SOX13: variants seen among roughly 807,000 people sequenced by gnomAD.
SOX13 encodes transcription factor SOX-13.
Under a neutral mutation model 71.8 loss-of-function variants are expected in SOX13, and 28 were observed. The ratio of observed to expected loss-of-function variants is 0.39; its 90% CI spans 0.29 to 0.53. The LOEUF is 0.53. Ranked by LOEUF, SOX13 falls within the 20% of genes least tolerant of loss-of-function variation. SOX13 has a pLI of 0.70. For synonymous variants in SOX13, 309 were observed against 317.8 expected (o/e 0.97, Z 0.29); for missense variants, 627 against 810.3 (o/e 0.77, Z 2.75).
In SOX13 at chr1:204,073,123, C is replaced by T. The variant is rs1417935588; in HGVS notation, c.-590C>T. The T allele has an allele frequency of 6.6e-6, 1 of 151,974 alleles. No individual in the cohort carries two copies. Among genetic ancestry groups the T allele is most frequent in the Non-Finnish European group, 1.5e-5 (1 of 68,052 alleles). The allele number at this position is 151,974 out of a possible 1,614,324, so 9.4% of individuals were successfully genotyped here. ...TCTCCTCTAGGCTGTCCAGTCGCCTCGCAGCAGCGAGCCGCGAGCGCCCTT... is the reference window on the plus strand; with the variant it reads ...TCTCCTCTAGGCTGTCCAGTCGCCTTGCAGCAGCGAGCCGCGAGCGCCCTT... On this transcript the variant is annotated 5_prime_UTR_variant, in exon 1 of 14. Coordinates refer to ENST00000367204, the MANE Select transcript of SOX13 (RefSeq NM_005686.3). This position sits in a 1 kb window ranked among gnomAD's most constrained non-coding sequence, Gnocchi z 6.8.
chr1:204,111,902 C>G (rs1379419795), intron 1 of SOX13, among the ~76,000 whole-genome samples: 1 of 152,074 alleles, frequency 6.6e-6, no homozygotes, highest in Non-Finnish European at 1.5e-5. Context: ...TACCTTATCT[C>G]CACTGTAAGA....
chr1:204,082,886 A>G (rs994644428), intron 1 of SOX13, among the ~76,000 whole-genome samples: 1 of 152,228 alleles, frequency 6.6e-6, no homozygotes, highest in East Asian at 1.9e-4. Context: ...AAATGGGTGT[A>G]CAAGTCTAGG....
intron 1 of SOX13, among the ~76,000 whole-genome samples, chr1:204,087,502 T>C (rs1189730558): frequency 6.6e-6 from 1 of 152,178 alleles, no homozygotes; most frequent in Admixed American, 6.5e-5. Flanking sequence ...CATCTCCCCT[T>C]TCTGTCTGTG....
At chr1:204,084,790 G>GGTT (rs2102225293) in intron 1 of SOX13, among the ~76,000 whole-genome samples, 1 of 29,380 alleles carries the variant, frequency 3.4e-5, no homozygotes, top group Admixed American at 4.5e-4. Flanking sequence ...TGCCTCTCAG[G>GGTT]GTTTGTTGTT....
intron 1 of SOX13, among the ~76,000 whole-genome samples, chr1:204,086,865 C>T (rs918476826): frequency 1.3e-5 from 2 of 151,818 alleles, no homozygotes; most frequent in South Asian, 4.2e-4. Flanking sequence ...GGCTCATGTC[C>T]GAAGCCTGTC....
At chr1:204,085,849 G>A (rs1216734469) in intron 1 of SOX13, among the ~76,000 whole-genome samples, 1 of 151,648 alleles carries the variant, frequency 6.6e-6, no homozygotes, top group Non-Finnish European at 1.5e-5. Context: ...GCGTGGTGCC[G>A]GGGGCCTGTA....
intron 1 of SOX13, among the ~76,000 whole-genome samples, chr1:204,110,272 C>T (rs954687694): frequency 1.3e-5 from 2 of 151,518 alleles, no homozygotes; most frequent in Non-Finnish European, 2.9e-5. Context: ...GGACTATAGG[C>T]GCATGCCACC....
intron 4 of SOX13, chr1:204,116,232 C>T (rs1166231870): frequency 3.5e-6 from 5 of 1,410,162 alleles, no homozygotes; most frequent in Non-Finnish European, 4.7e-6. Flanking sequence ...AGGCCTGGGG[C>T]TCTGGGGCTG....
chr1:204,084,177 G>A (rs1365608181), intron 1 of SOX13, among the ~76,000 whole-genome samples: 1 of 152,180 alleles, frequency 6.6e-6, no homozygotes, highest in Non-Finnish European at 1.5e-5. Context: ...GTGTGTGCAA[G>A]CACGGGGCAG....
chr1:204,123,922 C>A lies in SOX13; in HGVS notation c.1375+118C>A. 8.4e-7 allele frequency: 1 copy of A among 1,190,332 alleles called. No homozygotes were observed. The highest frequency in any genetic ancestry group is 1.5e-5 in the South Asian group (1 of 68,204). 73.7% of individuals were successfully genotyped at this position (1,190,332 alleles called of 1,614,324 possible). A position where few individuals can be genotyped will look rare whatever the true frequency, so the allele number is the denominator to read the frequency against. Reference sequence around the variant, plus strand: ...TGTGTTGGACTCCAGTGGAATCTGACGACAGGGGTGCAGGAGTTGCTGGGG... The same window carrying A: ...TGTGTTGGACTCCAGTGGAATCTGAAGACAGGGGTGCAGGAGTTGCTGGGG... On this transcript the variant is annotated intron_variant, in intron 12 of 13. Coordinates refer to ENST00000367204, the MANE Select transcript of SOX13 (RefSeq NM_005686.3). The surrounding 1 kb of genome is among the most constrained non-coding windows in gnomAD (Gnocchi z 5.0).
In SOX13 at chr1:204,116,559, C is replaced by G; in HGVS notation, c.471C>G (p.His157Gln). 1 of 1,614,028 alleles carries G rather than the reference C, an allele frequency of 6.2e-7. No individual in the cohort carries two copies. Among genetic ancestry groups the G allele is most frequent in the Non-Finnish European group, 8.5e-7 (1 of 1,179,898 alleles). Reference protein sequence around the residue: ...EKELQLLVMIHQLSTLRDQLL... With the variant: ...EKELQLLVMIQQLSTLRDQLL... ...AGCTCCAGCTTCTGGTCATGATTCA[C>G]CAGCTGTCCACCCTGCGGGACCAGC... Residue 157 changes from histidine (H) to glutamine (Q), a missense_variant, in exon 5 of 14, where the codon CAC becomes CAG. His to Gln is a conservative substitution (Grantham distance 24). Coordinates refer to ENST00000367204, the MANE Select transcript of SOX13 (RefSeq NM_005686.3).
At chr1:204,090,742 AG>A (rs994742678) in intron 1 of SOX13, among the ~76,000 whole-genome samples, 1 of 152,184 alleles carries the variant, frequency 6.6e-6, no homozygotes, top group Non-Finnish European at 1.5e-5. Flanking sequence ...GGCTCAGGAA[AG>A]GATGAACTCA....
intron 1 of SOX13, among the ~76,000 whole-genome samples, chr1:204,111,238 C>T (rs2102251639): frequency 6.6e-6 from 1 of 152,352 alleles, no homozygotes; most frequent in African/African-American, 2.4e-5. Flanking sequence ...ACTCCTAGTC[C>T]TCACGGCCAT....
At chr1:204,092,987 T>C (rs1208367618) in intron 1 of SOX13, among the ~76,000 whole-genome samples, 5 of 152,158 alleles carry the variant, frequency 3.3e-5, no homozygotes, top group Non-Finnish European at 7.3e-5. Context: ...GAGTCTAGAA[T>C]AGTGCGTGGG....
chr1:204,098,571 A>G (rs914318504), intron 1 of SOX13, among the ~76,000 whole-genome samples: 1 of 152,264 alleles, frequency 6.6e-6, no homozygotes, highest in Non-Finnish European at 1.5e-5. Flanking sequence ...TGATAAAATA[A>G]GAGTGACTAC....
intron 1 of SOX13, among the ~76,000 whole-genome samples, chr1:204,102,256 G>C (rs950336778): frequency 6.6e-6 from 1 of 152,220 alleles, no homozygotes; most frequent in African/African-American, 2.4e-5. Flanking sequence ...TTGCAGACTA[G>C]TTGCGCTTGT....
intron 8 of SOX13, 35 bp downstream of exon 8, chr1:204,122,020 C>T (rs1459230447): frequency 6.8e-7 from 1 of 1,471,614 alleles, no homozygotes; most frequent in Non-Finnish European, 9.5e-7. Flanking sequence ...GGGGCTCCCT[C>T]TCGAGCTTAT....
At chr1:204,093,622 C>G (rs1342340510) in intron 1 of SOX13, among the ~76,000 whole-genome samples, 1 of 152,168 alleles carries the variant, frequency 6.6e-6, no homozygotes, top group African/African-American at 2.4e-5. Flanking sequence ...GCCCAGCAGG[C>G]GGAGAGGGTT....
At chr1:204,078,327 A>G (rs535363703) in intron 1 of SOX13, 1 of 152,106 alleles carries the variant, frequency 6.6e-6, no homozygotes, top group Non-Finnish European at 1.5e-5. Flanking sequence ...GTGCTTTGAG[A>G]TCGGTCCTTA....
Sources: gnomAD v4.1 joint callset for allele counts (sites outside exome capture counted in the v4.1 genomes callset) on GRCh38, gnomAD v4.1.1 for gene constraint, Gnocchi (gnomAD v3.1) non-coding constraint, MANE v1.5 for transcripts, NCBI Gene and HGNC (gene_info 2026-07-23, HGNC 2026-07-21) for gene names.